The following AEBP2 variants were observed in gnomAD, a reference collection of about 807,000 sequenced individuals.
The protein encoded by AEBP2 is AE binding protein 2, also known as zinc finger protein AEBP2.
In AEBP2, 10 loss-of-function variants were observed where a neutral mutation model predicts 50.8. That is an observed-to-expected ratio of 0.20 (90% CI 0.12 to 0.33). AEBP2 has a LOEUF of 0.33. AEBP2 is among the 10% of genes least tolerant of loss of function. The probability of loss-of-function intolerance (pLI) is 1.00; values close to 1 mark genes in which losing one functional copy is unlikely to be tolerated. For synonymous variants in AEBP2, 296 were observed against 261.3 expected (o/e 1.13, Z -1.28); for missense variants, 570 against 688.0 (o/e 0.83, Z 1.92).
At chr12:19,420,021 G>GT (rs569003269) in intron 1 of AEBP2, among the ~76,000 whole-genome samples, 11,442 of 128,830 alleles carry the variant, frequency 0.089, 637 homozygotes, top group Non-Finnish European at 0.12. Flanking sequence ...TGCATTAATA[G>GT]TTTTTTTTTT....
At chr12:19,483,554 C>T (rs1948761727) in intron 3 of AEBP2, among the ~76,000 whole-genome samples, 1 of 152,162 alleles carries the variant, frequency 6.6e-6, no homozygotes, top group African/African-American at 2.4e-5. Context: ...TGCGAGTCTC[C>T]ACATGGTGTT....
chr12:19,500,072 C>A (rs998266501), intron 4 of AEBP2, 25 bp from the exon 5 acceptor site: 2 of 1,580,100 alleles, frequency 1.3e-6, no homozygotes, highest in East Asian at 2.3e-5. Flanking sequence ...TCTAAATATT[C>A]TTTACTTTTT....
chr12:19,469,307 C>G (rs1432989992), intron 2 of AEBP2, among the ~76,000 whole-genome samples: 1 of 152,086 alleles, frequency 6.6e-6, no homozygotes, highest in African/African-American at 2.4e-5. Flanking sequence ...ATGGCAGTTA[C>G]TTTGAGAAGG....
intron 1 of AEBP2, among the ~76,000 whole-genome samples, chr12:19,414,492 C>T (rs1220842375): frequency 6.6e-6 from 1 of 152,150 alleles, no homozygotes; most frequent in African/African-American, 2.4e-5. Context: ...AGGCCTGGCA[C>T]TAGGATGAGG....
At chr12:19,426,749 C>T (rs1370066527) in intron 1 of AEBP2, among the ~76,000 whole-genome samples, 1 of 151,856 alleles carries the variant, frequency 6.6e-6, no homozygotes, top group Non-Finnish European at 1.5e-5. Flanking sequence ...ACTAAAAATA[C>T]AAAAATTAGC....
chr12:19,440,580 C>G (rs1453602295), intron 1 of AEBP2: 1 of 1,446,654 alleles, frequency 6.9e-7, no homozygotes, highest in African/African-American at 1.4e-5. Flanking sequence ...CGTTCCCCCC[C>G]AACTCTCCTT....
At chr12:19,471,129 T>TC (rs1394820283) in intron 2 of AEBP2, among the ~76,000 whole-genome samples, 1 of 152,176 alleles carries the variant, frequency 6.6e-6, no homozygotes, top group African/African-American at 2.4e-5. Context: ...TGTTTTTTTT[T>TC]CTTGAGAGAT....
At chr12:19,470,483 C>G (rs757826205) in intron 2 of AEBP2, among the ~76,000 whole-genome samples, 9 of 152,154 alleles carry the variant, frequency 5.9e-5, no homozygotes, top group Non-Finnish European at 1.0e-4. Context: ...ACACATTTCA[C>G]CCCAATATAG....
At chr12:19,473,996 T>A (rs1050477550) in intron 3 of AEBP2, among the ~76,000 whole-genome samples, 2 of 152,130 alleles carry the variant, frequency 1.3e-5, no homozygotes, top group African/African-American at 2.4e-5. Flanking sequence ...TTTCTTATTG[T>A]TAAAGGTTTC....
At chr12:19,501,817 T>TTTTTTTTTTTTTTTTTTTTTTTTTTTC (rs1949085762) in intron 5 of AEBP2, among the ~76,000 whole-genome samples, 1 of 121,772 alleles carries the variant, frequency 8.2e-6, no homozygotes, top group Non-Finnish European at 1.7e-5. Flanking sequence ...TTTTTTTTTT[T>TTTTTTTTTTTTTTTTTTTTTTTTTTTC]GCATTTTCAT....
chr12:19,453,232 G>A (rs145694846), intron 1 of AEBP2, among the ~76,000 whole-genome samples: 3,421 of 152,082 alleles, frequency 0.022, 48 homozygotes, highest in East Asian at 0.043. Flanking sequence ...GCCTCCCAAA[G>A]TGCTGGGATT....
At chr12:19,449,177 G>C (rs1349309359) in intron 1 of AEBP2, among the ~76,000 whole-genome samples, 2 of 152,100 alleles carry the variant, frequency 1.3e-5, no homozygotes, top group Non-Finnish European at 2.9e-5. Flanking sequence ...ATTTCCTTAG[G>C]AAAGATCTTT....
chr12:19,505,386 G>A (rs994144961), intron 5 of AEBP2, among the ~76,000 whole-genome samples: 6 of 152,168 alleles, frequency 3.9e-5, no homozygotes, highest in South Asian at 2.1e-4. Flanking sequence ...AGGTACTAAT[G>A]TAATGACATA....
rs1200032240 is a variant in AEBP2 at position 19,509,861 on chromosome 12, C to T, written c.1300-2537C>T. On this transcript the variant is annotated intron_variant, in intron 5 of 7. Transcript: ENST00000266508. ...TTTTTTTTTTTGAGATGGAGTCTCA[C>T]TCACTTTGTTGCTTGGACTGGAGTG... Among the ~76,000 whole-genome samples, 3 of 115,902 alleles carry T rather than the reference C, an allele frequency of 2.6e-5. No homozygotes were observed. In the East Asian group the frequency reaches 9.0e-4, roughly 35 times the overall value. 76.0% of individuals were successfully genotyped at this position (115,902 alleles called of 152,430 possible).
chr12:19,474,264 A>G (rs562806540), intron 3 of AEBP2, among the ~76,000 whole-genome samples: 1 of 152,342 alleles, frequency 6.6e-6, no homozygotes, highest in South Asian at 2.1e-4. Flanking sequence ...AGCATATACC[A>G]TAGAGATTAA....
chr12:19,412,987 A>G (rs986139475), intron 1 of AEBP2, among the ~76,000 whole-genome samples: 2 of 152,188 alleles, frequency 1.3e-5, no homozygotes, highest in Admixed American at 1.3e-4. Context: ...GGGCTGCCAC[A>G]TGCAGGACCT....
chr12:19,440,744 C>T lies in AEBP2; in HGVS notation c.671+374C>T, dbSNP rs779937960. ...GTACTCAAGGTTAGCTTCTTCCAAC[C>T]GTGTTCGGGAACACTTGTCAGAACT... On this transcript the variant is annotated intron_variant, in intron 1 of 7. Coordinates refer to ENST00000266508, the MANE Select transcript of AEBP2 (RefSeq NM_153207.5). 9.8e-6 allele frequency: 15 copies of T among 1,533,412 alleles called. 1 individual carries two copies. In the South Asian group the frequency reaches 1.7e-4, roughly 17 times the overall value. The allele number at this position is 1,533,412 out of a possible 1,614,324, so 95.0% of individuals were successfully genotyped here. A position where few individuals can be genotyped will look rare whatever the true frequency, so the allele number is the denominator to read the frequency against.
intron 6 of AEBP2, 27 bp downstream of exon 6, chr12:19,512,492 G>C (rs1394941619): frequency 7.3e-7 from 1 of 1,367,630 alleles, no homozygotes; most frequent in East Asian, 2.4e-5. Context: ...TTATGCCTTA[G>C]TAATAAGTTC....
chr12:19,501,803 T>TG (rs1244911270), intron 5 of AEBP2, among the ~76,000 whole-genome samples: 43 of 144,120 alleles, frequency 3.0e-4, no homozygotes, highest in African/African-American at 9.8e-4. Context: ...GTTTGTTTTT[T>TG]TTTTTTTTTT....
Sources: allele counts gnomAD v4.1 joint callset (sites outside exome capture counted in the v4.1 genomes callset), GRCh38; gene constraint gnomAD v4.1.1; transcripts MANE v1.5; gene names NCBI Gene and HGNC (gene_info 2026-07-23, HGNC 2026-07-21).